TNFRSF1B: variants seen among roughly 807,000 people sequenced by gnomAD.
The protein encoded by TNFRSF1B is TNF receptor superfamily member 1B, also known as tumor necrosis factor receptor superfamily member 1B.
TNFRSF1B carries 19 observed loss-of-function variants against 44.6 expected under a neutral mutation model. The ratio of observed to expected loss-of-function variants is 0.43; its 90% CI spans 0.30 to 0.62. The LOEUF (loss-of-function observed/expected upper bound fraction) is 0.62. Among genes scored for constraint, TNFRSF1B ranks in the 20% least tolerant of loss-of-function variants. The pLI is 0.16. For synonymous variants in TNFRSF1B, 252 were observed against 261.1 expected, an observed-to-expected ratio of 0.97 and a Z score of 0.34; for missense variants, 541 against 619.9, an observed-to-expected ratio of 0.87 and a Z score of 1.35.
In TNFRSF1B at chr1:12,192,949, C is replaced by T; in HGVS notation, c.638C>T (p.Ala213Val). ...CCCACCCGGAGTATGGCCCCAGGGGCAGTACACTTACCCCAGCCAGTGTCC... is the reference window on the plus strand; with the variant it reads ...CCCACCCGGAGTATGGCCCCAGGGGTAGTACACTTACCCCAGCCAGTGTCC... The part of the protein sequence containing the change: ...TSPTRSMAPG[A>V]VHLPQPVSTR... Residue 213 changes from alanine to valine, a missense_variant, in exon 6 of 10, where the codon GCA becomes GTA. Transcript: ENST00000376259. 6.2e-7 allele frequency: 1 copy of T among 1,614,160 alleles called. No homozygotes were observed. The highest frequency in any genetic ancestry group is 8.5e-7 in the Non-Finnish European group (1 of 1,180,020).
intron 1 of TNFRSF1B, among the ~76,000 whole-genome samples, chr1:12,183,748 T>TCTATCTATCTAG (rs1279334157): frequency 0.012 from 1,460 of 116,952 alleles, 81 homozygotes; most frequent in East Asian, 0.056. Flanking sequence ...TATCTATCTA[T>TCTATCTATCTAG]CTAGCTAGCT....
rs539218359 is a variant in TNFRSF1B, at chr1:12,172,747, A to G, written c.78+5578A>G. Among the ~76,000 whole-genome samples, 163 of 152,356 alleles carry G rather than the reference A, an allele frequency of 1.1e-3. 2 individuals carry two copies. The South Asian group carries it at 0.015, about 14-fold the overall frequency. ...CTGCTTGACAGCCTGGTCTTAGGAC[A>G]CTGTATTGTGGCAAAGGCTGTGGGG... On this transcript the variant is annotated intron_variant, in intron 1 of 9. Transcript: ENST00000376259.
At chr1:12,167,570 A>G in intron 1 of TNFRSF1B, 1 of 323,778 alleles carries the variant, frequency 3.1e-6, no homozygotes, top group Admixed American at 5.0e-5. Context: ...GCGGTGGAGA[A>G]GGGGCTGTGC....
rs1639529938 is a variant in TNFRSF1B, at chr1:12,207,362, T to C, written c.*342T>C. On this transcript the variant is annotated 3_prime_UTR_variant, in exon 10 of 10. Transcript: ENST00000376259. Reference sequence around the variant, plus strand: ...TGGCTTCTGGAGCCCTTGGGTTTTTTGTTTGTTTGTTTGTTTGTTTGTTTG... The same window carrying C: ...TGGCTTCTGGAGCCCTTGGGTTTTTCGTTTGTTTGTTTGTTTGTTTGTTTG... 8.6e-6 allele frequency: 2 copies of C among 232,328 alleles called. No individual in the cohort carries two copies. The highest frequency in any genetic ancestry group is 1.7e-4 in the East Asian group (2 of 12,086). 14.4% of individuals were successfully genotyped at this position (232,328 alleles called of 1,614,324 possible).
At chr1:12,194,075 GC>G in intron 7 of TNFRSF1B, 43 bp downstream of exon 7, 2 of 1,565,766 alleles carry the variant, frequency 1.3e-6, no homozygotes, top group African/African-American at 2.7e-5. Context: ...TGTTCAGGAA[GC>G]TTTTGTGGGG....
intron 1 of TNFRSF1B, among the ~76,000 whole-genome samples, chr1:12,183,740 TCTATCTATCTAGCTAGCTAG>T (rs1165939275): frequency 1.5e-3 from 202 of 131,092 alleles, no homozygotes; most frequent in Middle Eastern, 4.2e-3. Flanking sequence ...TATCTATCTA[TCTATCTATCTAGCTAGCTAG>T]CTAGCTAGCT....
Position 12,167,296 on chromosome 1 carries a change from A to G in TNFRSF1B, c.78+127A>G, listed in dbSNP as rs540626400. On this transcript the variant is annotated intron_variant, in intron 1 of 9. Coordinates refer to ENST00000376259, the MANE Select transcript of TNFRSF1B (RefSeq NM_001066.3). Reference sequence around the variant, plus strand: ...CACGGGCTGGGAGGCTGGGAGTCCCAGTCGCCGCCCCCCATCCGCATCAGA... The same window carrying G: ...CACGGGCTGGGAGGCTGGGAGTCCCGGTCGCCGCCCCCCATCCGCATCAGA... The G allele has an allele frequency of 1.2e-4, 79 of 678,430 alleles. No individual in the cohort carries two copies. In the South Asian group the frequency reaches 4.4e-3, roughly 38 times the overall value. The allele number at this position is 678,430 out of a possible 1,614,324, so 42.0% of individuals were successfully genotyped here. A position where few individuals can be genotyped will look rare whatever the true frequency, so the allele number is the denominator to read the frequency against.
chr1:12,197,782 A>G (rs953622504), intron 8 of TNFRSF1B, among the ~76,000 whole-genome samples: 1 of 152,162 alleles, frequency 6.6e-6, no homozygotes, highest in African/African-American at 2.4e-5. Context: ...CTCCTGCCAC[A>G]GAAAGAACGT....
chr1:12,167,407 T>G, intron 1 of TNFRSF1B: 1 of 423,540 alleles, frequency 2.4e-6, no homozygotes. Context: ...AAGCCCCTCT[T>G]ACCCGCGTCG....
Position 12,178,847 on chromosome 1 carries a change from G to T in TNFRSF1B, c.79-9949G>T, listed in dbSNP as rs898294661. 6.6e-6 allele frequency among the ~76,000 whole-genome samples: 1 copy of T among 152,096 alleles called. No homozygotes were observed. The highest frequency in any genetic ancestry group is 6.5e-5 in the Admixed American group (1 of 15,284). The stretch of plus-strand genomic sequence containing the variant: ...GGAGGTTGCGCAGGTGGTGGCAGCC[G>T]CTGGAAGCTTTTAAGGAGAGTCAGG... On this transcript the variant is annotated intron_variant, in intron 1 of 9. Coordinates refer to ENST00000376259, the MANE Select transcript of TNFRSF1B (RefSeq NM_001066.3). The surrounding 1 kb of genome is among the most constrained non-coding windows in gnomAD (Gnocchi z 4.3).
At chr1:12,188,296 TAG>T (rs963733323) in intron 1 of TNFRSF1B, among the ~76,000 whole-genome samples, 16 of 152,114 alleles carry the variant, frequency 1.1e-4, no homozygotes, top group African/African-American at 3.4e-4. Flanking sequence ...AACCCACGTT[TAG>T]AGAGAGCCGA....
Position 12,208,533 on chromosome 1 carries a change from C to T in TNFRSF1B, c.*1513C>T, listed in dbSNP as rs1183141978. ...CTCCCCATTAGAGTCAGCCTTCCCC[C>T]TCCCAGGGCCAGGGCCCTGCAGAGG... On this transcript the variant is annotated 3_prime_UTR_variant, in exon 10 of 10. Coordinates refer to ENST00000376259, the MANE Select transcript of TNFRSF1B (RefSeq NM_001066.3). 2 of 152,444 alleles carry T rather than the reference C, an allele frequency of 1.3e-5. No individual in the cohort carries two copies. The highest frequency in any genetic ancestry group is 2.9e-5 in the Non-Finnish European group (2 of 68,142). The allele number at this position is 152,444 out of a possible 1,614,324, so 9.4% of individuals were successfully genotyped here. A position where few individuals can be genotyped will look rare whatever the true frequency, so the allele number is the denominator to read the frequency against.
chr1:12,167,012 G>T lies in TNFRSF1B; in HGVS notation c.-80G>T. ...TTTCAGTCGAGGGCTAGCGAGCGCA[G>T]CGGAGCCTGGAGAGAAGGCGCTGGG... On this transcript the variant is annotated 5_prime_UTR_variant, in exon 1 of 10. Transcript: ENST00000376259. 2 of 1,070,690 alleles carry T rather than the reference G, an allele frequency of 1.9e-6. No individual in the cohort carries two copies. Among genetic ancestry groups the T allele is most frequent in the Non-Finnish European group, 2.4e-6 (2 of 836,436 alleles). The allele number at this position is 1,070,690 out of a possible 1,614,324, so 66.3% of individuals were successfully genotyped here.
intron 1 of TNFRSF1B, among the ~76,000 whole-genome samples, chr1:12,179,717 A>G (rs1638748214): frequency 6.6e-6 from 1 of 152,212 alleles, no homozygotes; most frequent in Admixed American, 6.5e-5. Flanking sequence ...GTCAGAGGGC[A>G]CAGAGGCTGA....
At chr1:12,194,485 C>A in intron 7 of TNFRSF1B, 99 bp from the exon 8 acceptor site, 3 of 1,300,908 alleles carry the variant, frequency 2.3e-6, no homozygotes, top group South Asian at 1.2e-5. Context: ...CAGGGCTGGG[C>A]CTCTCTGCTG....
chr1:12,168,762 C>T lies in TNFRSF1B; in HGVS notation c.78+1593C>T, dbSNP rs374767108. Among the ~76,000 whole-genome samples, 20 of 152,222 alleles carry T rather than the reference C, an allele frequency of 1.3e-4. No homozygotes were observed. Among genetic ancestry groups the T allele is most frequent in the South Asian group, 4.1e-4 (2 of 4,828 alleles). On this transcript the variant is annotated intron_variant, in intron 1 of 9. Coordinates refer to ENST00000376259, the MANE Select transcript of TNFRSF1B (RefSeq NM_001066.3). This position sits in a 1 kb window ranked among gnomAD's most constrained non-coding sequence, Gnocchi z 4.7. The stretch of plus-strand genomic sequence containing the variant: ...CATCCCTGCTCCCCACGACCCCACC[C>T]GGACTATTGCCGCAGCCTTGTAGCT...
intron 1 of TNFRSF1B, among the ~76,000 whole-genome samples, 169 bp from the exon 2 acceptor site, chr1:12,188,627 C>T (rs1252608239): frequency 6.6e-6 from 1 of 152,132 alleles, no homozygotes; most frequent in Non-Finnish European, 1.5e-5. Context: ...AAAGAAGGCA[C>T]GAGCTCTCCT....
intron 6 of TNFRSF1B, 71 bp downstream of exon 6, chr1:12,193,169 C>T (rs753843207): frequency 8.8e-5 from 125 of 1,412,874 alleles, no homozygotes; most frequent in Non-Finnish European, 1.1e-4. Flanking sequence ...TTCTTCCTCT[C>T]CCATGGTTTT....
chr1:12,197,581 A>G (rs1639293784), intron 8 of TNFRSF1B, among the ~76,000 whole-genome samples: 1 of 151,918 alleles, frequency 6.6e-6, no homozygotes, highest in South Asian at 2.1e-4. Context: ...GGAAACTGAG[A>G]CTCTGGGAGG....
Sources: allele counts gnomAD v4.1 joint callset (sites outside exome capture counted in the v4.1 genomes callset), GRCh38; gene constraint gnomAD v4.1.1; non-coding constraint Gnocchi (gnomAD v3.1); transcripts MANE v1.5; gene names NCBI Gene and HGNC (gene_info 2026-07-23, HGNC 2026-07-21).